The following STK38L variants were observed in gnomAD, a reference collection of about 807,000 sequenced individuals.
STK38L encodes serine/threonine-protein kinase 38-like.
Under a neutral mutation model 59.7 loss-of-function variants are expected in STK38L, and 28 were observed. The observed-to-expected ratio is 0.47, with a 90% confidence interval of 0.35 to 0.64. The LOEUF (loss-of-function observed/expected upper bound fraction) is 0.64, where lower values mean the gene tolerates loss of function less well. Ranked by LOEUF, STK38L falls within the 30% of genes least tolerant of loss-of-function variation. STK38L has a pLI of 0.01. For missense variants in STK38L, 314 were observed against 555.8 expected (o/e 0.56, Z 4.37); for synonymous variants, 162 against 176.8 (o/e 0.92, Z 0.66).
At chr12:27,246,036 T>C (rs1217675305) in intron 1 of STK38L, among the ~76,000 whole-genome samples, 1 of 152,222 alleles carries the variant, frequency 6.6e-6, no homozygotes, top group Non-Finnish European at 1.5e-5. Context: ...GCTCTTGAGT[T>C]TGTTTTAAAA....
At chr12:27,266,961 A>G (rs1943313703) in intron 1 of STK38L, among the ~76,000 whole-genome samples, 1 of 152,222 alleles carries the variant, frequency 6.6e-6, no homozygotes, top group Admixed American at 6.5e-5. Context: ...ATTTAAGAAA[A>G]AAGCGTTTTG....
chr12:27,270,910 A>G (rs1390176019), intron 1 of STK38L, among the ~76,000 whole-genome samples: 1 of 152,232 alleles, frequency 6.6e-6, no homozygotes, highest in Admixed American at 6.5e-5. Context: ...CCTTTGGCTT[A>G]GTAGAGAGAT....
chr12:27,276,735 G>C (rs1172295592), intron 1 of STK38L, among the ~76,000 whole-genome samples: 2 of 152,154 alleles, frequency 1.3e-5, no homozygotes, highest in Admixed American at 6.5e-5. Context: ...AGTAACTGAA[G>C]TTTATATTAT....
intron 1 of STK38L, among the ~76,000 whole-genome samples, chr12:27,266,057 G>C (rs757004865): frequency 8.5e-5 from 13 of 152,164 alleles, no homozygotes; most frequent in Non-Finnish European, 1.6e-4. Flanking sequence ...ACCCTGAAAA[G>C]ACAGATGTTT....
At chr12:27,292,934 C>G (rs146153010) in intron 1 of STK38L, among the ~76,000 whole-genome samples, 3 of 151,956 alleles carry the variant, frequency 2.0e-5, no homozygotes, top group African/African-American at 4.8e-5. Context: ...TATTTCTATA[C>G]TGTTGGGTTT....
In STK38L at chr12:27,312,605, G is replaced by A; in HGVS notation, c.450G>A (p.Val150=). Residue 150 remains valine, a synonymous_variant, in exon 6 of 14, where the codon GTG becomes GTA. Transcript: ENST00000389032. ...TGGTAGAAGCAGATGGTGCCTGGGT[G>A]GTGAAGATGTTTTACAGTTTTCAGG... is the stretch of plus-strand genomic sequence containing the variant. ...DILVEADGAW[V]VKMFYSFQDK... 1 of 1,613,946 alleles carries A rather than the reference G, an allele frequency of 6.2e-7. No individual in the cohort carries two copies. The highest frequency in any genetic ancestry group is 8.5e-7 in the Non-Finnish European group (1 of 1,179,982).
chr12:27,293,623 C>T (rs1243714998), intron 1 of STK38L: 1 of 56,202 alleles, frequency 1.8e-5, no homozygotes, highest in African/African-American at 5.3e-5. Context: ...CTTGGCAGAC[C>T]GAGCAGGGCA....
chr12:27,259,820 A>T (rs573225351), intron 1 of STK38L, among the ~76,000 whole-genome samples: 3 of 152,208 alleles, frequency 2.0e-5, no homozygotes, highest in South Asian at 2.1e-4. Context: ...TTACTTCCTG[A>T]TACCATCCTG....
At chr12:27,265,469 T>G (rs1027882141) in intron 1 of STK38L, among the ~76,000 whole-genome samples, 91 of 152,346 alleles carry the variant, frequency 6.0e-4, no homozygotes, top group Non-Finnish European at 1.0e-3. Flanking sequence ...TTTTTTGCTG[T>G]TATTAATATA....
intron 1 of STK38L, among the ~76,000 whole-genome samples, chr12:27,268,859 C>G (rs1191397709): frequency 2.0e-5 from 3 of 152,172 alleles, no homozygotes; most frequent in Non-Finnish European, 4.4e-5. Flanking sequence ...TTGCATTTCT[C>G]TGATGGCCAG....
At chr12:27,310,575 A>G (rs981938167) in intron 5 of STK38L, among the ~76,000 whole-genome samples, 11 of 152,324 alleles carry the variant, frequency 7.2e-5, no homozygotes, top group African/African-American at 2.2e-4. Flanking sequence ...AAATAAATAA[A>G]TAAAATATTT....
chr12:27,258,233 C>T (rs1326593567), intron 1 of STK38L, among the ~76,000 whole-genome samples: 3 of 152,210 alleles, frequency 2.0e-5, no homozygotes, highest in Non-Finnish European at 2.9e-5. Context: ...TTAATAAAGA[C>T]AGGATTTCGT....
intron 1 of STK38L, among the ~76,000 whole-genome samples, chr12:27,251,576 G>A (rs1195221970): frequency 6.6e-6 from 1 of 152,220 alleles, no homozygotes; most frequent in Non-Finnish European, 1.5e-5. Flanking sequence ...GCTGCTACAA[G>A]CAAATCGTTC....
intron 1 of STK38L, among the ~76,000 whole-genome samples, chr12:27,282,422 G>A (rs948249882): frequency 2.0e-5 from 3 of 152,180 alleles, no homozygotes; most frequent in Non-Finnish European, 2.9e-5. Flanking sequence ...CAATAGAAAA[G>A]TAGGCAACAG....
At chr12:27,290,287 A>G (rs1451960509) in intron 1 of STK38L, among the ~76,000 whole-genome samples, 1 of 152,236 alleles carries the variant, frequency 6.6e-6, no homozygotes, top group Non-Finnish European at 1.5e-5. Flanking sequence ...CTAAAGTGAC[A>G]CAGCTAGTGA....
At chr12:27,288,927 GT>G (rs1405155650) in intron 1 of STK38L, among the ~76,000 whole-genome samples, 5 of 145,146 alleles carry the variant, frequency 3.4e-5, no homozygotes, top group African/African-American at 1.3e-4. Flanking sequence ...TTTTCTGTAT[GT>G]GCTCGTGTGT....
rs1944760201 is a variant in STK38L at position 27,322,691 on chromosome 12, C to T, written c.*236C>T. 1 of 378,416 alleles carries T rather than the reference C, an allele frequency of 2.6e-6. No individual in the cohort carries two copies. The highest frequency in any genetic ancestry group is 4.3e-5 in the Admixed American group (1 of 23,054). 23.4% of individuals were successfully genotyped at this position (378,416 alleles called of 1,614,324 possible). On this transcript the variant is annotated 3_prime_UTR_variant, in exon 14 of 14. Coordinates refer to ENST00000389032, the MANE Select transcript of STK38L (RefSeq NM_015000.4). The stretch of plus-strand genomic sequence containing the variant: ...TTGTTAACTTTATTATATGAAGGTA[C>T]TGGAATAAAAGGAACAGACATCCCT...
chr12:27,285,771 A>G (rs1429333854), intron 1 of STK38L, among the ~76,000 whole-genome samples: 1 of 152,212 alleles, frequency 6.6e-6, no homozygotes, highest in Non-Finnish European at 1.5e-5. Context: ...GGAAAGAGTA[A>G]AGGGGAGTGG....
intron 1 of STK38L, among the ~76,000 whole-genome samples, chr12:27,260,031 A>C (rs149736713): frequency 9.8e-5 from 15 of 152,340 alleles, no homozygotes; most frequent in Non-Finnish European, 1.8e-4. Context: ...GACTAGAAGA[A>C]AGAGGATAGG....
Sources: gnomAD v4.1 joint callset for allele counts (sites outside exome capture counted in the v4.1 genomes callset) on GRCh38, gnomAD v4.1.1 for gene constraint, MANE v1.5 for transcripts, NCBI Gene and HGNC (gene_info 2026-07-23, HGNC 2026-07-21) for gene names.